The following NCKAP5 variants were observed in gnomAD, a reference collection of about 807,000 sequenced individuals.
NCKAP5 encodes the protein NCK associated protein 5, also known as nck-associated protein 5.
NCKAP5 carries 92 observed loss-of-function variants against 167.0 expected under a neutral mutation model. The ratio of observed to expected loss-of-function variants is 0.55; its 90% confidence interval spans 0.47 to 0.66. The LOEUF (loss-of-function observed/expected upper bound fraction) is 0.66. Among genes scored for constraint, NCKAP5 ranks in the 30% least tolerant of loss-of-function variants. NCKAP5 has a pLI of 0.00. For synonymous variants in NCKAP5, 891 were observed against 877.4 expected (o/e 1.02, Z -0.27); for missense variants, 2,378 against 2,315.0 (o/e 1.03, Z -0.56).
At chr2:133,362,123 G>A (rs769784593) in intron 3 of NCKAP5, among the ~76,000 whole-genome samples, 9 of 152,202 alleles carry the variant, frequency 5.9e-5, no homozygotes, top group Non-Finnish European at 1.3e-4. Flanking sequence ...TGAGAACAAG[G>A]ATGGGATTGT....
chr2:133,457,872 T>C (rs981657507), intron 3 of NCKAP5, among the ~76,000 whole-genome samples: 20 of 152,198 alleles, frequency 1.3e-4, no homozygotes, highest in Admixed American at 5.2e-4. Context: ...TTTCTAACAA[T>C]TCTGTTAAGG....
At chr2:133,626,628 A>G in the NCKAP5 span, among the ~76,000 whole-genome samples, 1 of 152,084 alleles carries the variant, frequency 6.6e-6, no homozygotes, top group South Asian at 2.1e-4. Context: ...TTTTTAGGGT[A>G]TGATAATGAT....
intron 16 of NCKAP5, among the ~76,000 whole-genome samples, chr2:132,734,851 C>T (rs1334869283): frequency 6.7e-6 from 1 of 149,838 alleles, no homozygotes. Context: ...CGCAGAAGCA[C>T]AAGTAAACCC....
chr2:133,339,507 T>C lies in NCKAP5; in HGVS notation c.70-36397A>G, dbSNP rs767956080. 3.9e-5 allele frequency among the ~76,000 whole-genome samples: 6 copies of C among 152,338 alleles called. No individual in the cohort carries two copies. The South Asian group carries it at 6.2e-4, about 16-fold the overall frequency. ...CTTTATGGGTGTGAAAGGGACCTAA[T>C]TGAACAAGTGGGCTAAGCTGCCAGG... On this transcript the variant is annotated intron_variant, in intron 3 of 19. Transcript: ENST00000409261.
chr2:132,681,346 C>CTTTT, intron 19 of NCKAP5, among the ~76,000 whole-genome samples: 1 of 141,076 alleles, frequency 7.1e-6, no homozygotes, highest in African/African-American at 2.6e-5. Flanking sequence ...ACTGATTAGC[C>CTTTT]TTTTTTTTTT....
intron 19 of NCKAP5, among the ~76,000 whole-genome samples, chr2:132,702,309 C>T (rs1239036112): frequency 1.3e-5 from 2 of 152,180 alleles, no homozygotes; most frequent in African/African-American, 4.8e-5. Flanking sequence ...CCTGGCACCA[C>T]TCTTGGATGC....
intron 6 of NCKAP5, among the ~76,000 whole-genome samples, chr2:133,101,220 T>C (rs568494438): frequency 1.2e-4 from 17 of 144,468 alleles, no homozygotes; most frequent in African/African-American, 2.6e-4. Context: ...TGTAGATATG[T>C]GGCGTTATTT....
chr2:133,027,011 G>A (rs2078720325), intron 6 of NCKAP5, among the ~76,000 whole-genome samples: 1 of 152,184 alleles, frequency 6.6e-6, no homozygotes, highest in Non-Finnish European at 1.5e-5. Flanking sequence ...AGTGCTGTGA[G>A]TCATGCTGTT....
At chr2:133,034,119 C>A (rs555790709) in intron 6 of NCKAP5, among the ~76,000 whole-genome samples, 1 of 151,854 alleles carries the variant, frequency 6.6e-6, no homozygotes, top group African/African-American at 2.4e-5. Flanking sequence ...CTAAAAACAG[C>A]GAGAGAAAAG....
chr2:133,521,416 C>A (rs1441026847), intron 2 of NCKAP5, among the ~76,000 whole-genome samples: 3 of 152,228 alleles, frequency 2.0e-5, no homozygotes, highest in Admixed American at 6.5e-5. Flanking sequence ...AGTTTGACAT[C>A]TTACTCTTTA....
intron 3 of NCKAP5, among the ~76,000 whole-genome samples, chr2:133,337,142 T>A (rs1016731259): frequency 6.6e-6 from 1 of 152,202 alleles, no homozygotes; most frequent in Non-Finnish European, 1.5e-5. Flanking sequence ...GAACCCAAAT[T>A]ATTAATATGC....
intron 3 of NCKAP5, among the ~76,000 whole-genome samples, chr2:133,441,231 G>A (rs570167108): frequency 2.9e-4 from 44 of 152,308 alleles, no homozygotes; most frequent in African/African-American, 9.9e-4. Flanking sequence ...CTGTCATAAG[G>A]AGAGAAGAAG....
chr2:133,563,542 C>T (rs887548315), intron 1 of NCKAP5, among the ~76,000 whole-genome samples: 1 of 121,652 alleles, frequency 8.2e-6, no homozygotes, highest in African/African-American at 3.2e-5. Context: ...GCACTCCAGC[C>T]TGGTGACAGA....
intron 19 of NCKAP5, among the ~76,000 whole-genome samples, chr2:132,715,075 T>G (rs1179100441): frequency 1.3e-5 from 2 of 152,204 alleles, no homozygotes; most frequent in East Asian, 3.8e-4. Flanking sequence ...GGAGGAGCAG[T>G]TGGGATGCAA....
intron 5 of NCKAP5, among the ~76,000 whole-genome samples, chr2:133,179,523 T>G (rs550976361): frequency 6.6e-6 from 1 of 152,288 alleles, no homozygotes; most frequent in East Asian, 1.9e-4. Flanking sequence ...AAGACAGAGA[T>G]GTTTGAATTA....
Position 133,424,769 on chromosome 2 carries a change from A to G in NCKAP5, c.69+92689T>C, listed in dbSNP as rs533877631. ...CTAAATCTCCTGAATCAGAATCTGC[A>G]TTTCTACAAAATCCCTAGTGGTTCT... On this transcript the variant is annotated intron_variant, in intron 3 of 19. Transcript: ENST00000409261. Among the ~76,000 whole-genome samples, 10 of 152,282 alleles carry G rather than the reference A, an allele frequency of 6.6e-5. No individual in the cohort carries two copies. In the East Asian group the frequency reaches 1.5e-3, roughly 24 times the overall value.
intron 3 of NCKAP5, among the ~76,000 whole-genome samples, chr2:133,360,119 C>T (rs1685000907): frequency 6.6e-6 from 1 of 152,200 alleles, no homozygotes; most frequent in South Asian, 2.1e-4. Flanking sequence ...ACATGAATCT[C>T]TCCTTTAGCC....
At chr2:133,628,009 A>G in the NCKAP5 span, among the ~76,000 whole-genome samples, 2 of 152,192 alleles carry the variant, frequency 1.3e-5, no homozygotes, top group Non-Finnish European at 2.9e-5. Flanking sequence ...GAATAGAGCC[A>G]TTTATGACAA....
intron 6 of NCKAP5, among the ~76,000 whole-genome samples, chr2:133,116,069 T>C (rs2082072797): frequency 6.6e-6 from 1 of 151,906 alleles, no homozygotes; most frequent in East Asian, 1.9e-4. Flanking sequence ...TTGTTAAGGG[T>C]TCATTAATCA....
Sources: gnomAD v4.1 joint callset for allele counts (sites outside exome capture counted in the v4.1 genomes callset) on GRCh38, gnomAD v4.1.1 for gene constraint, MANE v1.5 for transcripts, NCBI Gene and HGNC (gene_info 2026-07-23, HGNC 2026-07-21) for gene names.